The following MIPOL1 variants were observed in gnomAD, a reference collection of about 807,000 sequenced individuals.
MIPOL1 encodes mirror-image polydactyly 1.
MIPOL1 carries 57 observed loss-of-function variants against 60.9 expected under a neutral mutation model. That is an observed-to-expected ratio of 0.94 (90% confidence interval 0.76 to 1.17). The LOEUF is 1.17. MIPOL1 is among the 50% of genes most tolerant of loss of function. MIPOL1 has a pLI of 0.00. For synonymous variants in MIPOL1, 179 were observed against 168.8 expected (o/e 1.06, Z -0.47); for missense variants, 551 against 511.6 (o/e 1.08, Z -0.74).
intron 1 of MIPOL1, among the ~76,000 whole-genome samples, chr14:37,210,254 G>A (rs895367323): frequency 9.3e-5 from 14 of 151,278 alleles, no homozygotes; most frequent in African/African-American, 3.4e-4. Context: ...GAACCCACAG[G>A]TTGGGTGCCC....
chr14:37,492,394 A>G (rs142137683), intron 11 of MIPOL1, among the ~76,000 whole-genome samples: 24 of 152,350 alleles, frequency 1.6e-4, no homozygotes, highest in African/African-American at 4.6e-4. Context: ...CCTTCTCCCA[A>G]TTCATGAAAA....
At chr14:37,382,975 T>A (rs972096495) in intron 10 of MIPOL1, among the ~76,000 whole-genome samples, 1 of 150,774 alleles carries the variant, frequency 6.6e-6, no homozygotes, top group Admixed American at 6.6e-5. Flanking sequence ...TTATATTAAA[T>A]TTTTTTTTAA....
chr14:37,444,235 A>C (rs959311603), intron 11 of MIPOL1, among the ~76,000 whole-genome samples: 3 of 152,192 alleles, frequency 2.0e-5, no homozygotes, highest in Non-Finnish European at 4.4e-5. Context: ...TAATATATGG[A>C]AATACAATTG....
At chr14:37,473,997 G>A (rs1460237475) in intron 11 of MIPOL1, among the ~76,000 whole-genome samples, 1 of 152,056 alleles carries the variant, frequency 6.6e-6, no homozygotes, top group Non-Finnish European at 1.5e-5. Flanking sequence ...ATTCCACAAT[G>A]TCATATTGTT....
chr14:37,394,104 A>G (rs1317149887), intron 10 of MIPOL1, among the ~76,000 whole-genome samples: 2 of 133,254 alleles, frequency 1.5e-5, no homozygotes, highest in East Asian at 4.6e-4. Context: ...TCTATCATAT[A>G]TATATATCCA....
At chr14:37,350,579 A>T (rs1309899669) in intron 9 of MIPOL1, among the ~76,000 whole-genome samples, 2 of 152,132 alleles carry the variant, frequency 1.3e-5, no homozygotes, top group Admixed American at 6.5e-5. Flanking sequence ...TGTGTTACAA[A>T]CAATCAGTTA....
chr14:37,522,381 G>C (rs561223060), intron 12 of MIPOL1, among the ~76,000 whole-genome samples: 1 of 152,262 alleles, frequency 6.6e-6, no homozygotes, highest in Non-Finnish European at 1.5e-5. Context: ...TCCCATCGTG[G>C]ACAAAGTGTA....
intron 11 of MIPOL1, among the ~76,000 whole-genome samples, chr14:37,464,223 A>G (rs943768745): frequency 4.1e-5 from 6 of 146,946 alleles, no homozygotes; most frequent in African/African-American, 1.0e-4. Context: ...TAAAAATGGA[A>G]CTACCATTCA....
intron 1 of MIPOL1, among the ~76,000 whole-genome samples, chr14:37,241,981 C>G (rs1972438354): frequency 6.6e-6 from 1 of 151,712 alleles, no homozygotes; most frequent in South Asian, 2.1e-4. Flanking sequence ...AGCAGTCAAT[C>G]AATCATAACA....
At chr14:37,491,074 C>G (rs1594689696) in intron 11 of MIPOL1, among the ~76,000 whole-genome samples, 2 of 152,080 alleles carry the variant, frequency 1.3e-5, no homozygotes, top group East Asian at 3.9e-4. Context: ...ACTTTGTTGC[C>G]TGAGAACTAT....
At chr14:37,231,573 T>G (rs1050468805) in intron 1 of MIPOL1, among the ~76,000 whole-genome samples, 1 of 152,198 alleles carries the variant, frequency 6.6e-6, no homozygotes, top group Non-Finnish European at 1.5e-5. Flanking sequence ...ATTTCTCTAC[T>G]TAAAAAGTAG....
chr14:37,203,876 G>A (rs533088419), intron 1 of MIPOL1, among the ~76,000 whole-genome samples: 3 of 152,214 alleles, frequency 2.0e-5, no homozygotes, highest in South Asian at 2.1e-4. Context: ...TCCGCCTCCC[G>A]GGTTCAAGCA....
At chr14:37,375,329 C>T (rs1254338952) in intron 10 of MIPOL1, among the ~76,000 whole-genome samples, 1 of 152,074 alleles carries the variant, frequency 6.6e-6, no homozygotes, top group Non-Finnish European at 1.5e-5. Flanking sequence ...CCACCTCAGC[C>T]TCCCACATAA....
intron 11 of MIPOL1, among the ~76,000 whole-genome samples, chr14:37,469,356 A>G (rs960833760): frequency 3.3e-5 from 5 of 152,056 alleles, no homozygotes; most frequent in African/African-American, 1.2e-4. Context: ...CTTTTAAACA[A>G]CCAGATCTGG....
intron 10 of MIPOL1, among the ~76,000 whole-genome samples, chr14:37,380,389 A>G (rs1314290349): frequency 6.6e-6 from 1 of 152,128 alleles, no homozygotes; most frequent in Non-Finnish European, 1.5e-5. Context: ...GAATTGCTCT[A>G]ACAGCATTCA....
intron 11 of MIPOL1, among the ~76,000 whole-genome samples, chr14:37,472,273 A>G (rs2094699346): frequency 6.6e-6 from 1 of 152,226 alleles, no homozygotes; most frequent in Non-Finnish European, 1.5e-5. Flanking sequence ...ATAAAATTGA[A>G]AAATATTGGC....
intron 1 of MIPOL1, among the ~76,000 whole-genome samples, chr14:37,208,779 TG>T: frequency 6.6e-6 from 1 of 152,160 alleles, no homozygotes; most frequent in African/African-American, 2.4e-5. Flanking sequence ...TTAGTAGAGA[TG>T]GGGATTCACC....
chr14:37,493,312 G>A (rs2095071877), intron 11 of MIPOL1, among the ~76,000 whole-genome samples: 1 of 152,148 alleles, frequency 6.6e-6, no homozygotes, highest in Non-Finnish European at 1.5e-5. Flanking sequence ...ATAAATATCT[G>A]CAAGCAAAAC....
chr14:37,308,048 TTTTCTAGG>T lies in MIPOL1; in HGVS notation c.624-7_624del, dbSNP rs1567392315. 4 of 1,609,808 alleles carry T rather than the reference TTTTCTAGG, an allele frequency of 2.5e-6. No individual in the cohort carries two copies. Among genetic ancestry groups the T allele is most frequent in the Non-Finnish European group, 2.5e-6 (3 of 1,177,714 alleles). ...ACTGATCAGGCTTTCTGTGTCCCTT[TTTTCTAGG>T]CTAGAAAATATTAACCCTGAAGAAA... On this transcript the variant is annotated splice_acceptor_variant and splice_polypyrimidine_tract_variant and coding_sequence_variant and intron_variant, in exon 8 of 13. Transcript: ENST00000684589. LOFTEE classifies it high-confidence loss of function.
Sources: gnomAD v4.1 joint callset for allele counts (sites outside exome capture counted in the v4.1 genomes callset) on GRCh38, gnomAD v4.1.1 for gene constraint, MANE v1.5 for transcripts, NCBI Gene and HGNC (gene_info 2026-07-23, HGNC 2026-07-21) for gene names.